Variants in PTBP2 observed in about 807,000 individuals in gnomAD.
PTBP2 encodes polypyrimidine tract-binding protein 2.
In PTBP2, 13 loss-of-function variants were observed where a neutral mutation model predicts 61.4. The ratio of observed to expected loss-of-function variants is 0.21; its 90% CI spans 0.14 to 0.34. PTBP2 has a LOEUF of 0.34. PTBP2 is among the 10% of genes least tolerant of loss of function. The pLI is 1.00. For synonymous variants in PTBP2, 215 were observed against 218.5 expected (o/e 0.98, Z 0.14); for missense variants, 405 against 642.6 (o/e 0.63, Z 4.00).
chr1:96,762,586 C>T, intron 3 of PTBP2, among the ~76,000 whole-genome samples: 1 of 147,542 alleles, frequency 6.8e-6, no homozygotes, highest in Non-Finnish European at 1.5e-5. Context: ...GCTGGCCGGG[C>T]AGAGGGGCTC....
chr1:96,742,426 A>G (rs112981848), intron 2 of PTBP2, among the ~76,000 whole-genome samples: 7 of 152,328 alleles, frequency 4.6e-5, no homozygotes, highest in South Asian at 2.1e-4. Flanking sequence ...TCAGAATTGT[A>G]TAGCATTTTT....
chr1:96,750,623 A>G (rs935843861), intron 2 of PTBP2, among the ~76,000 whole-genome samples: 32 of 151,916 alleles, frequency 2.1e-4, no homozygotes, highest in African/African-American at 7.5e-4. Context: ...TTTCATTTTG[A>G]TGGTTGCATT....
chr1:96,744,503 C>G (rs1653482054), intron 2 of PTBP2, among the ~76,000 whole-genome samples: 1 of 152,132 alleles, frequency 6.6e-6, no homozygotes, highest in African/African-American at 2.4e-5. Flanking sequence ...GACCAGAATA[C>G]TAGCTCTCCA....
chr1:96,779,938 A>G (rs1212110190), intron 7 of PTBP2, among the ~76,000 whole-genome samples: 7 of 152,040 alleles, frequency 4.6e-5, no homozygotes, highest in African/African-American at 9.7e-5. Context: ...CCTCTACTCT[A>G]CTTTAAAAAT....
At chr1:96,805,523 C>T (rs1455645036) in intron 9 of PTBP2, among the ~76,000 whole-genome samples, 1 of 151,868 alleles carries the variant, frequency 6.6e-6, no homozygotes, top group Non-Finnish European at 1.5e-5. Context: ...CCTTACCACC[C>T]CCTCCACCCA....
At position 96,792,786 on chromosome 1, in the gene PTBP2, G is replaced by A. The variant is rs1659991149; in HGVS notation, c.904+7532G>A. On this transcript the variant is annotated intron_variant, in intron 8 of 13. Coordinates refer to ENST00000674951, the MANE Select transcript of PTBP2 (RefSeq NM_021190.4). ...TTTTTATCTTTTTGACAAACAACAC[G>A]TTAAAATTTATGTCAATCTTATTTT... 1.3e-5 allele frequency among the ~76,000 whole-genome samples: 2 copies of A among 151,770 alleles called. 1 individual carries two copies. The highest frequency in any genetic ancestry group is 4.2e-4 in the South Asian group (2 of 4,810).
At chr1:96,820,949 AT>A (rs1267322775) in exon 14 of PTBP2, 2 of 152,168 alleles carry the variant, frequency 1.3e-5, no homozygotes, top group Non-Finnish European at 2.9e-5. Context: ...TTCTAGTCTG[AT>A]TCATGTTATG....
chr1:96,794,007 CT>C (rs1660116749), intron 8 of PTBP2, among the ~76,000 whole-genome samples: 1 of 152,192 alleles, frequency 6.6e-6, no homozygotes, highest in African/African-American at 2.4e-5. Context: ...AGGGCAGATA[CT>C]TAAGACTATC....
At chr1:96,787,140 C>T (rs1346732562) in intron 8 of PTBP2, among the ~76,000 whole-genome samples, 1 of 152,168 alleles carries the variant, frequency 6.6e-6, no homozygotes, top group East Asian at 1.9e-4. Flanking sequence ...CCCGCCTCAG[C>T]CTCCTGAGCA....
chr1:96,732,473 C>T (rs181354971), intron 2 of PTBP2, among the ~76,000 whole-genome samples: 11 of 152,186 alleles, frequency 7.2e-5, no homozygotes, highest in African/African-American at 2.2e-4. Context: ...GTTTGTTCCT[C>T]AATCATTAAT....
chr1:96,739,617 T>TG lies in PTBP2; in HGVS notation c.40-11807dup, dbSNP rs201889251. 5.6e-3 allele frequency among the ~76,000 whole-genome samples: 705 copies of TG among 126,482 alleles called. 72 individuals carry two copies. The highest frequency in any genetic ancestry group is 0.015 in the South Asian group (53 of 3,592). The allele number at this position is 126,482 out of a possible 152,430, so 83.0% of individuals were successfully genotyped here. A position where few individuals can be genotyped will look rare whatever the true frequency, so the allele number is the denominator to read the frequency against. ...TGCTACAAAATCTGAAACTGGTGTG[T>TG]GTTTTTTTTTTTTTTTTTTTTTTTT... On this transcript the variant is annotated intron_variant, in intron 2 of 13. Coordinates refer to ENST00000674951, the MANE Select transcript of PTBP2 (RefSeq NM_021190.4).
chr1:96,797,662 C>T (rs914311650), intron 8 of PTBP2, among the ~76,000 whole-genome samples: 3 of 152,160 alleles, frequency 2.0e-5, no homozygotes, highest in African/African-American at 7.2e-5. Flanking sequence ...AAGTTCCTTG[C>T]ATAAAATGGT....
chr1:96,722,465 G>C (rs1557675483), intron 1 of PTBP2, among the ~76,000 whole-genome samples: 1 of 151,476 alleles, frequency 6.6e-6, no homozygotes, highest in East Asian at 2.0e-4. Flanking sequence ...GCGGCGGCGG[G>C]AGGAAGGGGG....
chr1:96,746,160 A>G (rs1259235253), intron 2 of PTBP2, among the ~76,000 whole-genome samples: 3 of 152,084 alleles, frequency 2.0e-5, no homozygotes, highest in African/African-American at 7.2e-5. Context: ...TGGTGCATTT[A>G]TGCAAGCGTT....
chr1:96,792,926 AC>A (rs1485938016), intron 8 of PTBP2, among the ~76,000 whole-genome samples: 1 of 152,188 alleles, frequency 6.6e-6, no homozygotes, highest in African/African-American at 2.4e-5. Context: ...CCCAAGAAAG[AC>A]CAAAGTAATC....
intron 3 of PTBP2, among the ~76,000 whole-genome samples, chr1:96,761,699 A>G (rs1176764315): frequency 1.3e-5 from 2 of 152,114 alleles, no homozygotes; most frequent in African/African-American, 4.8e-5. Flanking sequence ...TTTGGTGGGA[A>G]AAAAGAATAA....
intron 3 of PTBP2, among the ~76,000 whole-genome samples, chr1:96,760,806 T>G (rs1455325885): frequency 1.3e-5 from 2 of 152,194 alleles, no homozygotes; most frequent in Admixed American, 6.5e-5. Context: ...AACTTCTACT[T>G]TTAGTTTTTT....
intron 2 of PTBP2, among the ~76,000 whole-genome samples, chr1:96,731,432 A>G (rs1357535249): frequency 6.6e-6 from 1 of 152,104 alleles, no homozygotes; most frequent in Non-Finnish European, 1.5e-5. Flanking sequence ...TTGGTTATTT[A>G]TATTTCATTT....
chr1:96,741,890 C>T (rs967801460), intron 2 of PTBP2, among the ~76,000 whole-genome samples: 8 of 152,138 alleles, frequency 5.3e-5, no homozygotes, highest in Admixed American at 1.3e-4. Flanking sequence ...TTTCTCAGCT[C>T]TTCAGGTTTC....
Sources: gnomAD v4.1 joint callset for allele counts (sites outside exome capture counted in the v4.1 genomes callset) on GRCh38, gnomAD v4.1.1 for gene constraint, MANE v1.5 for transcripts, NCBI Gene and HGNC (gene_info 2026-07-23, HGNC 2026-07-21) for gene names.